GEMIN6: variants seen among roughly 807,000 people sequenced by gnomAD.
GEMIN6 encodes gem nuclear organelle associated protein 6.
GEMIN6 carries 13 observed loss-of-function variants against 14.1 expected under a neutral mutation model. The observed-to-expected ratio is 0.92, with a 90% confidence interval of 0.60 to 1.46. The LOEUF is 1.46. GEMIN6 is among the 40% of genes most tolerant of loss of function. The pLI is 0.00. For missense variants in GEMIN6, 271 were observed against 202.4 expected (o/e 1.34, Z -2.06); for synonymous variants, 87 against 70.0 (o/e 1.24, Z -1.21).
rs570059599 is a variant in GEMIN6, at chr2:38,779,796, C to T, written c.128+678C>T. Among the ~76,000 whole-genome samples, 5 of 145,808 alleles carry T rather than the reference C, an allele frequency of 3.4e-5. No homozygotes were observed. The South Asian group carries it at 6.7e-4, about 20-fold the overall frequency. ...TCCCAGGTTCAAGTGATTCTCATGC[C>T]TCAGCCTCCCCAGTAGCTGGGGTTA... On this transcript the variant is annotated intron_variant, in intron 2 of 2. Coordinates refer to ENST00000281950, the MANE Select transcript of GEMIN6 (RefSeq NM_024775.10).
chr2:38,778,912 T>C, intron 1 of GEMIN6, 60 bp from the exon 2 acceptor site: 2 of 1,414,114 alleles, frequency 1.4e-6, no homozygotes, highest in South Asian at 2.8e-5. Flanking sequence ...GGATGGAGAT[T>C]AGGGATAAGA....
chr2:38,779,086 A>G lies in GEMIN6; in HGVS notation c.96A>G (p.Gly32=). The G allele has an allele frequency of 6.2e-7, 1 of 1,613,882 alleles. No individual in the cohort carries two copies. The highest frequency in any genetic ancestry group is 1.6e-4 in the Middle Eastern group (1 of 6,062). Residue 32 remains glycine, a synonymous_variant, in exon 2 of 3, where the codon GGA becomes GGG. Coordinates refer to ENST00000281950, the MANE Select transcript of GEMIN6 (RefSeq NM_024775.10). ...VTASEKNEYK[G]WVLTTDPVSA... ...CCAGTGAGAAGAATGAGTATAAAGG[A>G]TGGGTTTTAACTACAGACCCAGTCT...
In GEMIN6 at chr2:38,783,806, AAC is replaced by A. The variant is rs1419385781; in HGVS notation, c.*1918_*1919del. ...TCAGGGCCTTTGAATACAGTCTGAT[AAC>A]ACAGCTATTTTCCTGCATAGTTGTC... On this transcript the variant is annotated 3_prime_UTR_variant, in exon 3 of 3. Coordinates refer to ENST00000281950, the MANE Select transcript of GEMIN6 (RefSeq NM_024775.10). 6.6e-6 allele frequency: 1 copy of A among 152,162 alleles called. No individual in the cohort carries two copies. Among genetic ancestry groups the A allele is most frequent in the Non-Finnish European group, 1.5e-5 (1 of 68,054 alleles). 9.4% of individuals were successfully genotyped at this position (152,162 alleles called of 1,614,324 possible). A position where few individuals can be genotyped will look rare whatever the true frequency, so the allele number is the denominator to read the frequency against.
In GEMIN6 at chr2:38,779,015, C is replaced by G. The variant is rs563056973; in HGVS notation, c.25C>G (p.Pro9Ala). 8 of 1,612,756 alleles carry G rather than the reference C, an allele frequency of 5.0e-6. No individual in the cohort carries two copies. The Admixed American group carries it at 1.2e-4, about 24-fold the overall frequency. Residue 9 changes from proline (P) to alanine (A), a missense_variant, in exon 2 of 3, where the codon CCC (proline) becomes GCC (alanine). Transcript: ENST00000281950. ...CATGAGTGAATGGATGAAGAAAGGCCCCTTAGAATGGCAAGATTACATTTA... is the reference window on the plus strand; with the variant it reads ...CATGAGTGAATGGATGAAGAAAGGCGCCTTAGAATGGCAAGATTACATTTA... Reference protein sequence around the residue: MSEWMKKGPLEWQDYIYKE... With the variant: MSEWMKKGALEWQDYIYKE...
At chr2:38,779,478 A>C in intron 2 of GEMIN6, 1 of 252,688 alleles carries the variant, frequency 4.0e-6, no homozygotes, top group Non-Finnish European at 8.0e-6. Context: ...GGATCTGCCC[A>C]CCTTAGCGTC....
intron 1 of GEMIN6, among the ~76,000 whole-genome samples, chr2:38,778,667 G>C (rs1669005869): frequency 6.6e-6 from 1 of 152,160 alleles, no homozygotes. Flanking sequence ...ACCTGTGCCA[G>C]ATGAATTTCC....
In GEMIN6 at chr2:38,784,995, G is replaced by A. The variant is rs141298118; in HGVS notation, c.*3103G>A. On this transcript the variant is annotated 3_prime_UTR_variant, in exon 3 of 3. Coordinates refer to ENST00000281950, the MANE Select transcript of GEMIN6 (RefSeq NM_024775.10). The stretch of plus-strand genomic sequence containing the variant: ...ACTTTTTAAAATAAAAGTCTGTTTC[G>A]ACTTCCACTGTGTATTTTTTGTCTC... 2.0e-5 allele frequency: 3 copies of A among 152,176 alleles called. No individual in the cohort carries two copies. Among genetic ancestry groups the A allele is most frequent in the East Asian group, 3.9e-4 (2 of 5,178 alleles). 9.4% of individuals were successfully genotyped at this position (152,176 alleles called of 1,614,324 possible).
chr2:38,782,138 T>G lies in GEMIN6; in HGVS notation c.*246T>G, dbSNP rs1294691496. On this transcript the variant is annotated 3_prime_UTR_variant, in exon 3 of 3. Coordinates refer to ENST00000281950, the MANE Select transcript of GEMIN6 (RefSeq NM_024775.10). ...GGACATCAGAATTGTATGGGTCTTC[T>G]TTTTTCTTTTTTTCTTTTTTTTTTG... 1 of 365,954 alleles carries G rather than the reference T, an allele frequency of 2.7e-6. No individual in the cohort carries two copies. The highest frequency in any genetic ancestry group is 4.6e-5 in the East Asian group (1 of 21,544). The allele number at this position is 365,954 out of a possible 1,614,324, so 22.7% of individuals were successfully genotyped here. A position where few individuals can be genotyped will look rare whatever the true frequency, so the allele number is the denominator to read the frequency against.
chr2:38,779,679 T>A (rs1669038177), intron 2 of GEMIN6, among the ~76,000 whole-genome samples: 1 of 111,040 alleles, frequency 9.0e-6, no homozygotes, highest in Admixed American at 9.3e-5. Flanking sequence ...TTTTTTTTTT[T>A]TTTTTTTTTT....
Position 38,781,765 on chromosome 2 carries a change from C to T in GEMIN6, c.377C>T (p.Thr126Ile), listed in dbSNP as rs761522477. Residue 126 changes from threonine (T) to isoleucine (I), a missense_variant, in exon 3 of 3, where the codon ACT (threonine) becomes ATT (isoleucine). Coordinates refer to ENST00000281950, the MANE Select transcript of GEMIN6 (RefSeq NM_024775.10). ...ACTGAACAGGGAGACGCTCCAAGGACTCTCTGTGTGGCTGGGGTCCTGACT... is the reference window on the plus strand; with the variant it reads ...ACTGAACAGGGAGACGCTCCAAGGATTCTCTGTGTGGCTGGGGTCCTGACT... ...PITEQGDAPR[T>I]LCVAGVLTID... 4.3e-6 allele frequency: 7 copies of T among 1,614,034 alleles called. No homozygotes were observed. The African/African-American group carries it at 6.7e-5, about 15-fold the overall frequency.
intron 2 of GEMIN6, 65 bp from the exon 3 acceptor site, chr2:38,781,452 G>A: frequency 7.0e-7 from 1 of 1,427,692 alleles, no homozygotes; most frequent in Admixed American, 2.1e-5. Flanking sequence ...AGAGTAGAGT[G>A]TCATCTATTA....
Position 38,781,960 on chromosome 2 carries a change from T to A in GEMIN6, c.*68T>A. On this transcript the variant is annotated 3_prime_UTR_variant, in exon 3 of 3. Transcript: ENST00000281950. Reference sequence around the variant, plus strand: ...TTTATCCCTCATAAAATGTTTTAAATGTAAATGTACATGACTGTGTGTGTG... The same window carrying A: ...TTTATCCCTCATAAAATGTTTTAAAAGTAAATGTACATGACTGTGTGTGTG... 1 of 1,435,656 alleles carries A rather than the reference T, an allele frequency of 7.0e-7. No individual in the cohort carries two copies. Among genetic ancestry groups the A allele is most frequent in the South Asian group, 1.4e-5 (1 of 73,582 alleles). The allele number at this position is 1,435,656 out of a possible 1,614,324, so 88.9% of individuals were successfully genotyped here.
chr2:38,781,168 A>G (rs928333642), intron 2 of GEMIN6, among the ~76,000 whole-genome samples: 4 of 151,180 alleles, frequency 2.6e-5, no homozygotes, highest in Admixed American at 6.6e-5. Flanking sequence ...GGGTTTCACC[A>G]TCTTGGCCAG....
chr2:38,783,647 T>C lies in GEMIN6; in HGVS notation c.*1755T>C, dbSNP rs1358132569. 6.6e-6 allele frequency: 1 copy of C among 152,134 alleles called. No individual in the cohort carries two copies. Among genetic ancestry groups the C allele is most frequent in the Non-Finnish European group, 1.5e-5 (1 of 68,032 alleles). The allele number at this position is 152,134 out of a possible 1,614,324, so 9.4% of individuals were successfully genotyped here. A position where few individuals can be genotyped will look rare whatever the true frequency, so the allele number is the denominator to read the frequency against. On this transcript the variant is annotated 3_prime_UTR_variant, in exon 3 of 3. Transcript: ENST00000281950. ...CAGCTGTAAGAAATATTTTAAAATA[T>C]TTAAGCTTCAGGGCCTTTGAATACA...
chr2:38,780,710 C>T (rs999086899), intron 2 of GEMIN6, among the ~76,000 whole-genome samples: 1 of 151,942 alleles, frequency 6.6e-6, no homozygotes, highest in South Asian at 2.1e-4. Flanking sequence ...CTCACTGCAA[C>T]CTCTGCCTCC....
chr2:38,784,029 G>A lies in GEMIN6; in HGVS notation c.*2137G>A, dbSNP rs991476902. On this transcript the variant is annotated 3_prime_UTR_variant, in exon 3 of 3. Coordinates refer to ENST00000281950, the MANE Select transcript of GEMIN6 (RefSeq NM_024775.10). ...TTACCGTTCCCAGACCACACTTGCA[G>A]AAGCAGTTCAGAAACTTCAGGGGAA... 4.6e-5 allele frequency: 7 copies of A among 152,170 alleles called. No individual in the cohort carries two copies. Among genetic ancestry groups the A allele is most frequent in the African/African-American group, 1.4e-4 (6 of 41,452 alleles). The allele number at this position is 152,170 out of a possible 1,614,324, so 9.4% of individuals were successfully genotyped here.
intron 2 of GEMIN6, among the ~76,000 whole-genome samples, chr2:38,779,636 CTATATATATA>C (rs1171290307): frequency 1.7e-3 from 61 of 36,078 alleles, no homozygotes; most frequent in South Asian, 3.4e-3. Context: ...ATTATTCTTA[CTATATATATA>C]TATATATATA....
At chr2:38,779,665 T>TATATATATATATATA (rs1491245074) in intron 2 of GEMIN6, among the ~76,000 whole-genome samples, 32 of 14,250 alleles carry the variant, frequency 2.2e-3, no homozygotes, top group South Asian at 4.5e-3. Flanking sequence ...TATATATATA[T>TATATATATATATATA]TTTTTTTTTT....
chr2:38,781,649 G>A lies in GEMIN6; in HGVS notation c.261G>A (p.Thr87=), dbSNP rs144643727. 6.2e-6 allele frequency: 10 copies of A among 1,614,192 alleles called. No individual in the cohort carries two copies. The highest frequency in any genetic ancestry group is 4.0e-5 in the African/African-American group (3 of 75,058). ...GGGAGAAGCTGATGCATTTGTTCACGTCTGGAGACTGCAAAGCATACAGCC... is the reference window on the plus strand; with the variant it reads ...GGGAGAAGCTGATGCATTTGTTCACATCTGGAGACTGCAAAGCATACAGCC... ...RVREKLMHLF[T]SGDCKAYSPE... The change falls in exon 3 of 3, where the codon ACG becomes ACA. Residue 87 remains threonine, a synonymous_variant. Coordinates refer to ENST00000281950, the MANE Select transcript of GEMIN6 (RefSeq NM_024775.10).
Sources: allele counts gnomAD v4.1 joint callset (sites outside exome capture counted in the v4.1 genomes callset), GRCh38; gene constraint gnomAD v4.1.1; transcripts MANE v1.5; gene names NCBI Gene and HGNC (gene_info 2026-07-23, HGNC 2026-07-21).